Variants in TMEM178B observed in about 807,000 individuals in gnomAD.
TMEM178B encodes transmembrane protein 178B.
In TMEM178B, 5 loss-of-function variants were observed where a neutral mutation model predicts 31.0. The observed-to-expected ratio is 0.16, with a 90% CI of 0.08 to 0.34. The LOEUF is 0.34. TMEM178B is among the 10% of genes least tolerant of loss of function. TMEM178B has a pLI of 1.00. For missense variants in TMEM178B, 275 were observed against 400.3 expected, an observed-to-expected ratio of 0.69 and a Z score of 2.67; for synonymous variants, 164 against 164.0, an observed-to-expected ratio of 1.00 and a Z score of 0.00.
At chr7:141,268,997 T>A (rs957656400) in intron 2 of TMEM178B, among the ~76,000 whole-genome samples, 1 of 151,920 alleles carries the variant, frequency 6.6e-6, no homozygotes, top group Admixed American at 6.6e-5. Flanking sequence ...TTCAAGGGGG[T>A]TTTGCAAGAG....
At chr7:141,139,270 C>T (rs1265995398) in intron 1 of TMEM178B, among the ~76,000 whole-genome samples, 9 of 152,202 alleles carry the variant, frequency 5.9e-5, no homozygotes, top group Admixed American at 5.2e-4. Flanking sequence ...TTTACCTTCT[C>T]GGCCTGCCTA....
At chr7:141,503,162 G>T in the TMEM178B span, among the ~76,000 whole-genome samples, 14 of 152,268 alleles carry the variant, frequency 9.2e-5, no homozygotes, top group African/African-American at 3.4e-4. Context: ...TACTCATTTG[G>T]ACTATTTTAC....
intron 3 of TMEM178B, among the ~76,000 whole-genome samples, chr7:141,439,719 A>C (rs552033026): frequency 6.6e-6 from 1 of 152,310 alleles, no homozygotes; most frequent in South Asian, 2.1e-4. Flanking sequence ...ATCCAAGAAA[A>C]GCTGAGCAAA....
At chr7:141,095,050 G>C (rs1794935452) in intron 1 of TMEM178B, among the ~76,000 whole-genome samples, 1 of 152,188 alleles carries the variant, frequency 6.6e-6, no homozygotes, top group Non-Finnish European at 1.5e-5. Flanking sequence ...TTGGAAAAAA[G>C]AGTCTGGCTA....
intron 2 of TMEM178B, among the ~76,000 whole-genome samples, chr7:141,309,236 A>C (rs1314635017): frequency 1.3e-5 from 2 of 152,188 alleles, no homozygotes; most frequent in African/African-American, 2.4e-5. Flanking sequence ...ATCTCTTTTC[A>C]TTATTTTTCT....
At chr7:141,496,526 C>CCCGTCTCTACT in the TMEM178B span, among the ~76,000 whole-genome samples, 3 of 148,962 alleles carry the variant, frequency 2.0e-5, no homozygotes, top group African/African-American at 7.7e-5. Context: ...AAAAATTAGC[C>CCCGTCTCTACT]AGGTGTAGTG....
intron 1 of TMEM178B, among the ~76,000 whole-genome samples, chr7:141,152,623 A>T (rs765847457): frequency 1.1e-4 from 16 of 152,156 alleles, no homozygotes; most frequent in Non-Finnish European, 2.2e-4. Context: ...ACTCAGGAGC[A>T]AGAACATTAG....
chr7:141,466,058 T>A (rs1440746714), intron 3 of TMEM178B, among the ~76,000 whole-genome samples: 9 of 152,136 alleles, frequency 5.9e-5, no homozygotes, highest in Non-Finnish European at 1.0e-4. Context: ...AAATCCTTGC[T>A]CATAACAGAA....
intron 2 of TMEM178B, among the ~76,000 whole-genome samples, chr7:141,363,328 C>T (rs1799949207): frequency 6.6e-6 from 1 of 152,208 alleles, no homozygotes. Context: ...ACTTTCTTCC[C>T]TGAGTCTATT....
intron 2 of TMEM178B, among the ~76,000 whole-genome samples, chr7:141,428,003 G>T (rs1801351684): frequency 6.6e-6 from 1 of 152,154 alleles, no homozygotes; most frequent in South Asian, 2.1e-4. Flanking sequence ...TGTTAGAGCA[G>T]GTAGTTAGGT....
At chr7:141,334,117 G>A (rs542855873) in intron 2 of TMEM178B, among the ~76,000 whole-genome samples, 19 of 152,340 alleles carry the variant, frequency 1.2e-4, no homozygotes, top group Admixed American at 3.3e-4. Flanking sequence ...GTATTTGTTC[G>A]TCTTCACTCC....
At chr7:141,117,811 G>A (rs1304622769) in intron 1 of TMEM178B, among the ~76,000 whole-genome samples, 2 of 152,178 alleles carry the variant, frequency 1.3e-5, no homozygotes, top group Non-Finnish European at 2.9e-5. Flanking sequence ...TCAAAGATCA[G>A]ATGGTTGTAG....
intron 2 of TMEM178B, chr7:141,352,420 C>G (rs1799747693): frequency 6.6e-6 from 1 of 151,636 alleles, no homozygotes; most frequent in Admixed American, 6.6e-5. Context: ...CTCTGTCACC[C>G]AGGCTGGAGT....
intron 2 of TMEM178B, among the ~76,000 whole-genome samples, chr7:141,338,947 G>C (rs367950185): frequency 2.0e-5 from 3 of 152,208 alleles, no homozygotes; most frequent in African/African-American, 7.2e-5. Flanking sequence ...CTAGAAGCTA[G>C]AGCTGCCTAT....
chr7:141,368,013 C>T (rs1428147263), intron 2 of TMEM178B, among the ~76,000 whole-genome samples: 1 of 152,076 alleles, frequency 6.6e-6, no homozygotes, highest in African/African-American at 2.4e-5. Context: ...GAAGAGCAGG[C>T]ACATGTTGAA....
intron 2 of TMEM178B, among the ~76,000 whole-genome samples, chr7:141,420,922 C>G (rs1429307882): frequency 3.3e-5 from 5 of 152,186 alleles, no homozygotes; most frequent in Admixed American, 6.5e-5. Context: ...GTCATTTGGT[C>G]TACCCCCTAA....
chr7:141,378,192 G>C (rs181660956), intron 2 of TMEM178B, among the ~76,000 whole-genome samples: 1 of 152,108 alleles, frequency 6.6e-6, no homozygotes, highest in Non-Finnish European at 1.5e-5. Flanking sequence ...TAGTTAGACC[G>C]GGGTTACAGG....
intron 1 of TMEM178B, among the ~76,000 whole-genome samples, chr7:141,166,542 A>G (rs117787878): frequency 1.3e-3 from 196 of 152,338 alleles, no homozygotes; most frequent in Admixed American, 5.2e-3. Flanking sequence ...AAAGCTTTGC[A>G]AAGATCAGAG....
chr7:141,434,434 C>T (rs1801496523), intron 2 of TMEM178B, among the ~76,000 whole-genome samples: 1 of 152,158 alleles, frequency 6.6e-6, no homozygotes, highest in Non-Finnish European at 1.5e-5. Flanking sequence ...CTCCACACAT[C>T]GAAAAGAGAA....
Sources: allele counts gnomAD v4.1 joint callset (sites outside exome capture counted in the v4.1 genomes callset), GRCh38; gene constraint gnomAD v4.1.1; transcripts MANE v1.5; gene names NCBI Gene and HGNC (gene_info 2026-07-23, HGNC 2026-07-21).